Variants in TJP1 observed in about 807,000 individuals in gnomAD.
The protein encoded by TJP1 is tight junction protein ZO-1.
In TJP1, 43 loss-of-function variants were observed where a neutral mutation model predicts 194.2. The observed-to-expected ratio is 0.22, with a 90% CI of 0.17 to 0.29. TJP1 has a LOEUF of 0.29. Ranked by LOEUF, TJP1 falls within the 10% of genes least tolerant of loss-of-function variation. The probability of loss-of-function intolerance (pLI) is 1.00; values close to 1 mark genes in which losing one functional copy is unlikely to be tolerated. For synonymous variants in TJP1, 801 were observed against 779.0 expected, an observed-to-expected ratio of 1.03 and a Z score of -0.47; for missense variants, 1,971 against 2,185.7, an observed-to-expected ratio of 0.90 and a Z score of 1.96.
Position 29,816,201 on chromosome 15 carries a change from T to C in TJP1, c.27+5801A>G, listed in dbSNP as rs2049908197. 2.6e-5 allele frequency among the ~76,000 whole-genome samples: 4 copies of C among 152,080 alleles called. No individual in the cohort carries two copies. In the South Asian group the frequency reaches 8.3e-4, roughly 32 times the overall value. ...TGCTACCACACCCGGCTAATTTTTG[T>C]ATTTTTAGTAGAGACGGGGTTTCGG... On this transcript the variant is annotated intron_variant, in intron 1 of 27. Coordinates refer to ENST00000614355, the MANE Select transcript of TJP1 (RefSeq NM_001330239.4).
chr15:29,878,609 A>G (rs1373956406), intron 2 of TJP1, among the ~76,000 whole-genome samples: 1 of 152,040 alleles, frequency 6.6e-6, no homozygotes, highest in Non-Finnish European at 1.5e-5. Flanking sequence ...AAAAAAAAGG[A>G]GCCTCCGGAA....
At chr15:29,929,729 T>C (rs1197536243) in intron 2 of TJP1, among the ~76,000 whole-genome samples, 1 of 151,608 alleles carries the variant, frequency 6.6e-6, no homozygotes, top group South Asian at 2.1e-4. Context: ...AATAAATAAA[T>C]GTATGACTCA....
intron 8 of TJP1, among the ~76,000 whole-genome samples, chr15:29,752,515 C>T (rs1417228658): frequency 1.3e-5 from 2 of 152,190 alleles, no homozygotes; most frequent in African/African-American, 2.4e-5. Flanking sequence ...ACTGAATACC[C>T]CATGACTATA....
chr15:29,912,906 C>A (rs1036051783), intron 2 of TJP1, among the ~76,000 whole-genome samples: 1 of 152,062 alleles, frequency 6.6e-6, no homozygotes, highest in East Asian at 1.9e-4. Context: ...TAATTTCATA[C>A]GGTTTAACTT....
At chr15:29,720,268 G>C (rs1478144578) in intron 19 of TJP1, 90 bp downstream of exon 19, 3 of 1,210,964 alleles carry the variant, frequency 2.5e-6, no homozygotes, top group Non-Finnish European at 3.4e-6. Context: ...TCTGGAGAAA[G>C]GACAACATAT....
chr15:29,717,988 T>C (rs1413948708), intron 22 of TJP1, 33 bp downstream of exon 22: 4 of 1,566,848 alleles, frequency 2.6e-6, no homozygotes, highest in Non-Finnish European at 3.5e-6. Flanking sequence ...TCCTGGTCAG[T>C]TCTATGCCAC....
chr15:29,817,719 C>A (rs889737595), intron 1 of TJP1, among the ~76,000 whole-genome samples: 3 of 152,146 alleles, frequency 2.0e-5, no homozygotes, highest in Admixed American at 2.0e-4. Flanking sequence ...TCATCCTCAG[C>A]AAACTAACAC....
At chr15:29,833,845 T>C (rs2050913183) in intron 2 of TJP1, among the ~76,000 whole-genome samples, 1 of 109,512 alleles carries the variant, frequency 9.1e-6, no homozygotes, top group African/African-American at 3.2e-5. Context: ...AGATGCAATA[T>C]AATTTTTGTA....
intron 2 of TJP1, among the ~76,000 whole-genome samples, chr15:29,947,331 A>G (rs1375705797): frequency 6.6e-6 from 1 of 152,216 alleles, no homozygotes; most frequent in Non-Finnish European, 1.5e-5. Context: ...TGAGAGTCCT[A>G]TGGGAAAAAT....
chr15:29,719,151 T>C lies in TJP1; in HGVS notation c.3004-13A>G. On this transcript the variant is annotated splice_polypyrimidine_tract_variant and intron_variant, in intron 20 of 27. Coordinates refer to ENST00000614355, the MANE Select transcript of TJP1 (RefSeq NM_001330239.4). ...CCTTTCTATACACCTGTATAAAAAA[T>C]TCACATTTAAGGACAAAGTCTTGTT... The C allele has an allele frequency of 6.4e-7, 1 of 1,562,552 alleles. No homozygotes were observed. Among genetic ancestry groups the C allele is most frequent in the South Asian group, 1.2e-5 (1 of 82,694 alleles).
intron 2 of TJP1, among the ~76,000 whole-genome samples, chr15:29,872,391 G>A (rs1280890700): frequency 6.6e-6 from 1 of 152,068 alleles, no homozygotes; most frequent in Non-Finnish European, 1.5e-5. Context: ...GACTAGAACA[G>A]AAAATCAAAA....
intron 2 of TJP1, among the ~76,000 whole-genome samples, chr15:29,932,517 A>G (rs956107687): frequency 1.2e-4 from 18 of 152,206 alleles, no homozygotes; most frequent in Admixed American, 2.6e-4. Context: ...AGCAAACTTT[A>G]AAACTTTAAA....
chr15:29,968,797 G>A, exon 1 of TJP1: 1 of 1,196,254 alleles, frequency 8.4e-7, no homozygotes, highest in Middle Eastern at 2.3e-4. Flanking sequence ...GGGCCCCGCC[G>A]CCTCCGCCGC....
chr15:29,811,288 G>A (rs758030825), intron 1 of TJP1, among the ~76,000 whole-genome samples: 1 of 152,172 alleles, frequency 6.6e-6, no homozygotes, highest in Non-Finnish European at 1.5e-5. Context: ...TGTGTGTGTA[G>A]CGGGGCGGGG....
intron 2 of TJP1, among the ~76,000 whole-genome samples, chr15:29,851,846 CT>C (rs1394801010): frequency 5.9e-5 from 9 of 152,142 alleles, no homozygotes; most frequent in African/African-American, 2.2e-4. Context: ...ATGTCCAACT[CT>C]TTTTTCATAA....
At chr15:29,715,622 AAT>A (rs1595592479) in intron 23 of TJP1, among the ~76,000 whole-genome samples, 1 of 152,202 alleles carries the variant, frequency 6.6e-6, no homozygotes, top group Non-Finnish European at 1.5e-5. Context: ...GATGAATTCT[AAT>A]ATGTCAATCT....
At chr15:29,944,028 AT>A (rs1164706493) in intron 2 of TJP1, among the ~76,000 whole-genome samples, 3 of 152,184 alleles carry the variant, frequency 2.0e-5, no homozygotes, top group African/African-American at 7.2e-5. Context: ...AATATTTTGT[AT>A]GTAAAAATTA....
intron 2 of TJP1, among the ~76,000 whole-genome samples, chr15:29,834,822 GTTC>G (rs1415243418): frequency 1.3e-5 from 2 of 152,146 alleles, no homozygotes; most frequent in Non-Finnish European, 2.9e-5. Context: ...GAGAACTTCT[GTTC>G]TTCTGCTCCT....
intron 2 of TJP1, among the ~76,000 whole-genome samples, chr15:29,900,982 G>C (rs777082392): frequency 2.0e-5 from 3 of 152,152 alleles, no homozygotes; most frequent in Non-Finnish European, 4.4e-5. Flanking sequence ...TAGGAGGGCT[G>C]CCTGGAGTAG....
Sources: allele counts gnomAD v4.1 joint callset (sites outside exome capture counted in the v4.1 genomes callset), GRCh38; gene constraint gnomAD v4.1.1; transcripts MANE v1.5; gene names NCBI Gene and HGNC (gene_info 2026-07-23, HGNC 2026-07-21).